The following ARHGAP6 variants were observed in gnomAD, a reference collection of about 807,000 sequenced individuals.
ARHGAP6 encodes the protein Rho GTPase activating protein 6.
A neutral mutation model predicts 55.7 loss-of-function variants in ARHGAP6; 16 were observed. The observed-to-expected ratio is 0.29, with a 90% CI of 0.19 to 0.44. The LOEUF (loss-of-function observed/expected upper bound fraction) is 0.44, where lower values mean the gene tolerates loss of function less well. ARHGAP6 is among the 20% of genes least tolerant of loss of function. The probability of loss-of-function intolerance (pLI) is 1.00; values close to 1 mark genes in which losing one functional copy is unlikely to be tolerated. For missense variants in ARHGAP6, 698 were observed against 808.9 expected, an observed-to-expected ratio of 0.86 and a Z score of 1.66; for synonymous variants, 382 against 360.9, an observed-to-expected ratio of 1.06 and a Z score of -0.66.
intron 1 of ARHGAP6, among the ~76,000 whole-genome samples, chrX:11,463,637 A>G (rs918198274): frequency 8.9e-6 from 1 of 112,041 alleles, no homozygotes; most frequent in Non-Finnish European, 1.9e-5. Flanking sequence ...CACTGAACCC[A>G]GCCTGTAATT....
intron 1 of ARHGAP6, among the ~76,000 whole-genome samples, chrX:11,553,164 T>A (rs895785492): frequency 8.9e-6 from 1 of 111,792 alleles, no homozygotes; most frequent in African/African-American, 3.3e-5. Flanking sequence ...TGTGAGAAAG[T>A]GCTTTATTTG....
chrX:11,292,252 T>C (rs1451372866), intron 1 of ARHGAP6, among the ~76,000 whole-genome samples: 4 of 112,055 alleles, frequency 3.6e-5, no homozygotes, highest in Non-Finnish European at 7.5e-5. Context: ...TTTATTGATC[T>C]AATATTGATG....
At chrX:11,601,642 G>T (rs929328013) in intron 1 of ARHGAP6, among the ~76,000 whole-genome samples, 1 of 112,265 alleles carries the variant, frequency 8.9e-6, no homozygotes, top group African/African-American at 3.2e-5. Context: ...ATATTTCATA[G>T]CATCCAATAT....
At chrX:11,143,708 G>C in intron 11 of ARHGAP6, 1 of 1,085,750 alleles carries the variant, frequency 9.2e-7, no homozygotes, top group Non-Finnish European at 1.2e-6. Context: ...CTGGGAATAG[G>C]AGTGGCTCCT....
intron 1 of ARHGAP6, among the ~76,000 whole-genome samples, chrX:11,462,582 C>T (rs1239818348): frequency 8.9e-6 from 1 of 112,334 alleles, no homozygotes; most frequent in African/African-American, 3.2e-5. Context: ...ACATTACCAT[C>T]GTGCTGTGTT....
At chrX:11,510,123 C>T (rs1376958892) in intron 1 of ARHGAP6, among the ~76,000 whole-genome samples, 1 of 111,733 alleles carries the variant, frequency 8.9e-6, no homozygotes, top group Non-Finnish European at 1.9e-5. Context: ...TGACAGATAT[C>T]GGATCAGGGC....
chrX:11,430,094 A>G (rs769683694), intron 1 of ARHGAP6, among the ~76,000 whole-genome samples: 1 of 112,385 alleles, frequency 8.9e-6, no homozygotes, highest in East Asian at 2.8e-4. Flanking sequence ...ATATATTTAA[A>G]CAACACAAGG....
intron 1 of ARHGAP6, among the ~76,000 whole-genome samples, chrX:11,632,884 C>T (rs970007638): frequency 2.3e-4 from 26 of 112,067 alleles, no homozygotes; most frequent in African/African-American, 8.4e-4. Context: ...TAGTGACTGG[C>T]ACCTGTCCCC....
At chrX:11,173,635 A>C (rs2046126184) in intron 8 of ARHGAP6, among the ~76,000 whole-genome samples, 1 of 112,625 alleles carries the variant, frequency 8.9e-6, no homozygotes, top group South Asian at 3.7e-4. Flanking sequence ...ACAAGATAGC[A>C]AAACACCACA....
At chrX:11,240,639 T>C (rs1258569709) in intron 2 of ARHGAP6, among the ~76,000 whole-genome samples, 1 of 111,710 alleles carries the variant, frequency 9.0e-6, no homozygotes, top group Admixed American at 9.5e-5. Context: ...CTTTGATTGA[T>C]CAATAGGTGA....
intron 10 of ARHGAP6, among the ~76,000 whole-genome samples, chrX:11,151,926 A>T (rs908299231): frequency 3.6e-5 from 4 of 112,109 alleles, no homozygotes; most frequent in African/African-American, 1.3e-4. Flanking sequence ...ACAATGCTAT[A>T]ACTTAAAGTG....
At chrX:11,312,821 C>T (rs2048316195) in intron 1 of ARHGAP6, among the ~76,000 whole-genome samples, 1 of 111,390 alleles carries the variant, frequency 9.0e-6, no homozygotes, top group East Asian at 2.8e-4. Flanking sequence ...CAACTTCTGT[C>T]AACTCTGCAT....
chrX:11,319,375 A>T (rs919515849), intron 1 of ARHGAP6, among the ~76,000 whole-genome samples: 4 of 111,755 alleles, frequency 3.6e-5, no homozygotes, highest in African/African-American at 1.3e-4. Context: ...TAAAACACAG[A>T]TTACTGGGCC....
In ARHGAP6 at chrX:11,186,248, G is replaced by A; in HGVS notation, c.1261C>T (p.Leu421=). 1 of 1,208,190 alleles carries A rather than the reference G, an allele frequency of 8.3e-7. No individual in the cohort carries two copies. The highest frequency in any genetic ancestry group is 1.1e-6 in the Non-Finnish European group (1 of 893,576). ...CAAGTCTACTTACCATGTTTTTCTA[G>A]GTGCTGACAGCAGCTGTCCACCAGC... is the stretch of plus-strand genomic sequence containing the variant. The part of the protein sequence containing the change: ...PRLVDSCCQH[L]EKHGLQTVGI... The change falls in exon 5 of 13, where the codon CTA becomes TTA. Residue 421 remains leucine (L), a synonymous_variant. Coordinates refer to ENST00000337414, the MANE Select transcript of ARHGAP6 (RefSeq NM_013427.3).
Position 11,664,454 on chromosome X carries a change from G to A in ARHGAP6, c.375C>T (p.Pro125=). 5 of 1,211,534 alleles carry A rather than the reference G, an allele frequency of 4.1e-6. No homozygotes were observed. Among genetic ancestry groups the A allele is most frequent in the Non-Finnish European group, 5.6e-6 (5 of 895,236 alleles). ...SGSFHFDYEV[P]LGRGGLKKSM... is the part of the protein sequence containing the mutation. ...TCTTCTTGAGGCCGCCGCGACCCAG[G>A]GGAACCTCATAGTCAAAGTGAAAGC... is the stretch of plus-strand genomic sequence containing the variant. Residue 125 remains proline (P), a synonymous_variant, in exon 1 of 13, where the codon CCC becomes CCT. Coordinates refer to ENST00000337414, the MANE Select transcript of ARHGAP6 (RefSeq NM_013427.3).
intron 9 of ARHGAP6, among the ~76,000 whole-genome samples, chrX:11,165,368 AAG>A (rs1331436084): frequency 9.0e-6 from 1 of 111,572 alleles, no homozygotes; most frequent in Non-Finnish European, 1.9e-5. Flanking sequence ...ATGGAATAAA[AAG>A]AGCAGAGTAA....
intron 1 of ARHGAP6, among the ~76,000 whole-genome samples, chrX:11,573,025 T>C (rs1259594510): frequency 4.5e-5 from 5 of 111,692 alleles, no homozygotes; most frequent in Non-Finnish European, 7.5e-5. Flanking sequence ...TGCCCACTTT[T>C]TGATGGGGTT....
At chrX:11,424,346 T>C (rs184924060) in intron 1 of ARHGAP6, among the ~76,000 whole-genome samples, 29 of 112,692 alleles carry the variant, frequency 2.6e-4, no homozygotes, top group African/African-American at 9.3e-4. Flanking sequence ...CTAGACTGTG[T>C]TCAAATATTT....
intron 1 of ARHGAP6, among the ~76,000 whole-genome samples, chrX:11,532,433 C>T (rs1444406906): frequency 1.8e-5 from 2 of 112,318 alleles, no homozygotes; most frequent in South Asian, 3.7e-4. Context: ...TCCCTCTCCA[C>T]CCTGTCTGTG....
Sources: allele counts gnomAD v4.1 joint callset (sites outside exome capture counted in the v4.1 genomes callset), GRCh38; gene constraint gnomAD v4.1.1; transcripts MANE v1.5; gene names NCBI Gene and HGNC (gene_info 2026-07-23, HGNC 2026-07-21).